The following SH3RF3 variants were observed in gnomAD, a reference collection of about 807,000 sequenced individuals.
SH3RF3 encodes E3 ubiquitin-protein ligase SH3RF3.
Under a neutral mutation model 66.3 loss-of-function variants are expected in SH3RF3, and 29 were observed. The ratio of observed to expected loss-of-function variants is 0.44; its 90% CI spans 0.33 to 0.60. SH3RF3 has a LOEUF of 0.60. Among genes scored for constraint, SH3RF3 ranks in the 20% least tolerant of loss-of-function variants. The pLI is 0.04. For synonymous variants in SH3RF3, 583 were observed against 532.0 expected (o/e 1.10, Z -1.32); for missense variants, 1,194 against 1,190.9 (o/e 1.00, Z -0.04).
chr2:109,166,831 A>G (rs190212375), intron 1 of SH3RF3, among the ~76,000 whole-genome samples: 31 of 152,360 alleles, frequency 2.0e-4, no homozygotes, highest in Admixed American at 1.8e-3. Flanking sequence ...GTATAAAACT[A>G]TAATCCCCCA....
intron 2 of SH3RF3, 31 bp from the exon 3 acceptor site, chr2:109,371,555 G>T: frequency 1.9e-6 from 3 of 1,593,206 alleles, no homozygotes; most frequent in Non-Finnish European, 2.6e-6. Flanking sequence ...GTGTCCGTAT[G>T]CTTGTGTCCA....
chr2:109,447,380 GC>G (rs1243580303), intron 7 of SH3RF3, among the ~76,000 whole-genome samples: 1 of 152,114 alleles, frequency 6.6e-6, no homozygotes, highest in Non-Finnish European at 1.5e-5. Context: ...ACTTCCCGTG[GC>G]CTCCAAACGC....
chr2:109,243,004 G>C (rs977730395), intron 1 of SH3RF3, among the ~76,000 whole-genome samples: 2 of 152,258 alleles, frequency 1.3e-5, no homozygotes, highest in African/African-American at 4.8e-5. Flanking sequence ...TATTCTGAGT[G>C]TTTGAGACTA....
chr2:109,212,049 C>T (rs1345437661), intron 1 of SH3RF3, among the ~76,000 whole-genome samples: 6 of 152,260 alleles, frequency 3.9e-5, no homozygotes, highest in Admixed American at 1.3e-4. Flanking sequence ...GTGGGCTTTG[C>T]GGAATTCCAG....
At chr2:109,493,469 A>G (rs1046734520) in intron 9 of SH3RF3, among the ~76,000 whole-genome samples, 11 of 151,692 alleles carry the variant, frequency 7.3e-5, no homozygotes, top group African/African-American at 1.9e-4. Flanking sequence ...TACACTATAC[A>G]TACAAACACA....
intron 4 of SH3RF3, among the ~76,000 whole-genome samples, chr2:109,416,574 G>A (rs773311337): frequency 4.0e-5 from 6 of 151,626 alleles, no homozygotes; most frequent in African/African-American, 1.5e-4. Context: ...TAGTAGAGAC[G>A]GGGTTTCACC....
intron 1 of SH3RF3, among the ~76,000 whole-genome samples, chr2:109,296,265 T>C (rs1217737838): frequency 6.6e-6 from 1 of 151,940 alleles, no homozygotes; most frequent in Non-Finnish European, 1.5e-5. Flanking sequence ...TTCACTCTTA[T>C]TGCCCAGGCT....
chr2:109,243,039 C>T (rs532683110), intron 1 of SH3RF3, among the ~76,000 whole-genome samples: 46 of 152,294 alleles, frequency 3.0e-4, no homozygotes, highest in Non-Finnish European at 5.9e-4. Flanking sequence ...TTTAGAGTGT[C>T]GTGATTTGTG....
chr2:109,317,083 G>A lies in SH3RF3; in HGVS notation c.574-30591G>A, dbSNP rs562468403. The stretch of plus-strand genomic sequence containing the variant: ...CTATCTTGGTGGCTTCCGCATTCTG[G>A]CAGTTATGAATAAAGCTGCTCTAAA... On this transcript the variant is annotated intron_variant, in intron 1 of 9. Transcript: ENST00000309415. 6.6e-5 allele frequency among the ~76,000 whole-genome samples: 10 copies of A among 152,098 alleles called. No homozygotes were observed. The East Asian group carries it at 1.9e-3, about 29-fold the overall frequency.
At chr2:109,432,423 C>T in intron 5 of SH3RF3, 78 bp from the exon 6 acceptor site, 1 of 1,559,472 alleles carries the variant, frequency 6.4e-7, no homozygotes, top group Non-Finnish European at 8.7e-7. Context: ...CCAAAGACAA[C>T]CTCCCCCCAG....
In SH3RF3 at chr2:109,474,609, C is replaced by CA. The variant is rs1678627195; in HGVS notation, c.2149-15995dup. 5.9e-5 allele frequency among the ~76,000 whole-genome samples: 9 copies of CA among 152,206 alleles called. No homozygotes were observed. The South Asian group carries it at 1.9e-3, about 31-fold the overall frequency. ...TGCTTCAGACTTACCCAGGTTTGGG[C>CA]AGGGGGGGAGAACGCAGGTGAAATT... On this transcript the variant is annotated intron_variant, in intron 8 of 9. Transcript: ENST00000309415.
At chr2:109,190,259 C>T (rs1007928589) in intron 1 of SH3RF3, among the ~76,000 whole-genome samples, 9 of 152,202 alleles carry the variant, frequency 5.9e-5, no homozygotes, top group African/African-American at 9.6e-5. Context: ...CTGCAACCTC[C>T]GCCTCGCGGG....
intron 1 of SH3RF3, among the ~76,000 whole-genome samples, chr2:109,227,743 C>T (rs1180226532): frequency 1.3e-5 from 2 of 152,220 alleles, no homozygotes; most frequent in East Asian, 1.9e-4. Flanking sequence ...GCAGTCCTTT[C>T]GGGTCCAACG....
chr2:109,432,052 G>C (rs1677239734), intron 5 of SH3RF3, among the ~76,000 whole-genome samples: 1 of 152,152 alleles, frequency 6.6e-6, no homozygotes, highest in African/African-American at 2.4e-5. Flanking sequence ...GGAAAACCCA[G>C]CCCAAGAATA....
chr2:109,432,633 T>C lies in SH3RF3; in HGVS notation c.1536T>C (p.Ser512=). ...FKGASLRTGV[S]GVFPGNYVTP... ...GGGCGTCTCTGAGGACCGGGGTCTC[T>C]GGGGTGTTCCCCGGAAACTACGTGA... Residue 512 remains serine (S), a synonymous_variant, in exon 6 of 10, where the codon TCT becomes TCC. Transcript: ENST00000309415. The C allele has an allele frequency of 6.2e-7, 1 of 1,613,012 alleles. No homozygotes were observed. The highest frequency in any genetic ancestry group is 8.5e-7 in the Non-Finnish European group (1 of 1,179,546).
At chr2:109,408,109 C>T (rs1463501286) in intron 4 of SH3RF3, among the ~76,000 whole-genome samples, 1 of 152,182 alleles carries the variant, frequency 6.6e-6, no homozygotes, top group Non-Finnish European at 1.5e-5. Flanking sequence ...ACAGAAGAGT[C>T]ACTCCCTTGT....
chr2:109,439,069 G>A (rs1016491619), intron 7 of SH3RF3, among the ~76,000 whole-genome samples: 4 of 152,090 alleles, frequency 2.6e-5, no homozygotes, highest in African/African-American at 9.7e-5. Context: ...TGCTAGAAAC[G>A]TTCCCAATTC....
intron 1 of SH3RF3, among the ~76,000 whole-genome samples, chr2:109,241,067 A>T (rs555494889): frequency 3.9e-5 from 6 of 152,354 alleles, no homozygotes; most frequent in African/African-American, 1.4e-4. Context: ...ATATGTTTAA[A>T]ATAAGTGGCC....
chr2:109,396,103 G>A (rs1273118852), intron 3 of SH3RF3, among the ~76,000 whole-genome samples: 2 of 152,204 alleles, frequency 1.3e-5, no homozygotes, highest in African/African-American at 4.8e-5. Context: ...TGCGCTCACT[G>A]TGCCCTGCTG....
Sources: allele counts gnomAD v4.1 joint callset (sites outside exome capture counted in the v4.1 genomes callset), GRCh38; gene constraint gnomAD v4.1.1; transcripts MANE v1.5; gene names NCBI Gene and HGNC (gene_info 2026-07-23, HGNC 2026-07-21).